The following DLG2 variants were observed in gnomAD, a reference collection of about 807,000 sequenced individuals.
The protein encoded by DLG2 is discs large MAGUK scaffold protein 2, also known as disks large homolog 2.
Under a neutral mutation model 132.5 loss-of-function variants are expected in DLG2, and 45 were observed. The ratio of observed to expected loss-of-function variants is 0.34; its 90% CI spans 0.27 to 0.44. The LOEUF is 0.44. DLG2 is among the 20% of genes least tolerant of loss of function. The pLI, the probability that DLG2 is intolerant of heterozygous loss-of-function variation, is 1.00. For missense variants in DLG2, 1,045 were observed against 1,196.9 expected (o/e 0.87, Z 1.87); for synonymous variants, 424 against 419.6 (o/e 1.01, Z -0.13).
intron 3 of DLG2, among the ~76,000 whole-genome samples, chr11:85,530,826 G>C (rs998647783): frequency 1.3e-5 from 2 of 152,112 alleles, no homozygotes; most frequent in Non-Finnish European, 2.9e-5. Flanking sequence ...AATGCCTTGT[G>C]GTTAGAAGTA....
intron 21 of DLG2, among the ~76,000 whole-genome samples, chr11:83,523,248 A>G (rs1309928824): frequency 6.6e-6 from 1 of 152,258 alleles, no homozygotes; most frequent in African/African-American, 2.4e-5. Context: ...AATTTTCTGA[A>G]TAATACTTAC....
chr11:85,465,002 A>G (rs1271695273), intron 3 of DLG2, among the ~76,000 whole-genome samples: 2 of 138,138 alleles, frequency 1.4e-5, no homozygotes, highest in East Asian at 4.9e-4. Flanking sequence ...TGAACCTAGG[A>G]GGTGGAGGTT....
intron 16 of DLG2, among the ~76,000 whole-genome samples, chr11:83,861,012 T>A (rs1026022061): frequency 5.3e-5 from 8 of 152,128 alleles, no homozygotes; most frequent in African/African-American, 1.9e-4. Context: ...CCGTTAAACC[T>A]CTTTTTCTGC....
intron 6 of DLG2, among the ~76,000 whole-genome samples, chr11:84,578,519 C>T (rs1194237491): frequency 1.3e-5 from 2 of 152,152 alleles, no homozygotes; most frequent in African/African-American, 4.8e-5. Context: ...AATTTGACTG[C>T]CCCACTGGAT....
At chr11:84,480,378 G>A (rs1361922306) in intron 7 of DLG2, among the ~76,000 whole-genome samples, 2 of 152,112 alleles carry the variant, frequency 1.3e-5, no homozygotes, top group African/African-American at 4.8e-5. Flanking sequence ...TAATCCTTGA[G>A]AGTTGCATCA....
At chr11:83,820,698 T>C (rs2050527099) in intron 17 of DLG2, among the ~76,000 whole-genome samples, 1 of 152,154 alleles carries the variant, frequency 6.6e-6, no homozygotes, top group South Asian at 2.1e-4. Context: ...AATATTTCCT[T>C]TTTTACTGAT....
chr11:84,895,843 C>T (rs1467736764), intron 6 of DLG2, among the ~76,000 whole-genome samples: 1 of 152,136 alleles, frequency 6.6e-6, no homozygotes, highest in Non-Finnish European at 1.5e-5. Flanking sequence ...GATTAAGTGA[C>T]ATCTTTGTAT....
chr11:85,542,111 A>G (rs1174882171), intron 3 of DLG2, among the ~76,000 whole-genome samples: 1 of 152,178 alleles, frequency 6.6e-6, no homozygotes, highest in African/African-American at 2.4e-5. Flanking sequence ...AGAAAGAGAA[A>G]TGAATTCTTT....
chr11:84,835,776 T>G (rs2079676674), intron 6 of DLG2, among the ~76,000 whole-genome samples: 1 of 151,810 alleles, frequency 6.6e-6, no homozygotes, highest in Admixed American at 6.6e-5. Flanking sequence ...ATATTAAATA[T>G]ATTTTAATGC....
intron 18 of DLG2, among the ~76,000 whole-genome samples, chr11:83,685,369 A>T (rs532888548): frequency 2.2e-4 from 34 of 152,172 alleles, no homozygotes; most frequent in Non-Finnish European, 1.8e-4. Context: ...TATCAAGGTA[A>T]ATGAAAACAT....
intron 3 of DLG2, among the ~76,000 whole-genome samples, chr11:85,426,118 G>A (rs984510225): frequency 2.0e-5 from 3 of 152,218 alleles, no homozygotes; most frequent in East Asian, 1.9e-4. Context: ...CGAGGCTTGA[G>A]TAGGTAAACA....
chr11:84,671,424 C>A (rs1435749008), intron 6 of DLG2, among the ~76,000 whole-genome samples: 1 of 152,040 alleles, frequency 6.6e-6, no homozygotes, highest in African/African-American at 2.4e-5. Context: ...CTCTTGACCC[C>A]AGAGCAGCAG....
In DLG2 at chr11:84,338,741, G is replaced by A. The variant is rs547853122; in HGVS notation, c.520-87450C>T. ...GAATCGCTTGAGTCCAGGAGGCAGA[G>A]GTTGCAGTGAGCCAAGATGGCGCCA... On this transcript the variant is annotated intron_variant, in intron 7 of 27. Coordinates refer to ENST00000376104, the MANE Select transcript of DLG2 (RefSeq NM_001142699.3). Among the ~76,000 whole-genome samples the A allele has an allele frequency of 2.7e-4, 41 of 152,230 alleles. 1 individual carries two copies. Among genetic ancestry groups the A allele is most frequent in the Non-Finnish European group, 5.7e-4 (39 of 68,016 alleles).
chr11:83,573,934 C>T (rs1033130952), intron 19 of DLG2, among the ~76,000 whole-genome samples: 3 of 152,104 alleles, frequency 2.0e-5, no homozygotes, highest in Non-Finnish European at 2.9e-5. Context: ...TAGCTTTCTT[C>T]TGTATTGAGT....
intron 3 of DLG2, among the ~76,000 whole-genome samples, chr11:85,318,763 G>C (rs946142709): frequency 5.9e-5 from 9 of 151,808 alleles, no homozygotes; most frequent in Admixed American, 5.3e-4. Flanking sequence ...CAATACTGTT[G>C]CAGCATCTTT....
intron 6 of DLG2, among the ~76,000 whole-genome samples, chr11:85,026,757 A>G (rs1372210114): frequency 6.6e-6 from 1 of 152,112 alleles, no homozygotes; most frequent in Non-Finnish European, 1.5e-5. Context: ...GAATGGCGTG[A>G]ACTGGGGAGG....
At chr11:85,084,672 T>C (rs1246812634) in intron 6 of DLG2, among the ~76,000 whole-genome samples, 1 of 152,112 alleles carries the variant, frequency 6.6e-6, no homozygotes, top group Non-Finnish European at 1.5e-5. Context: ...GGTTGCCATT[T>C]TTGTCATGGT....
At chr11:85,021,055 C>T (rs1443308145) in intron 6 of DLG2, 2 of 772,836 alleles carry the variant, frequency 2.6e-6, no homozygotes, top group Admixed American at 3.4e-5. Context: ...TCCAGGTTTC[C>T]CAGGAGAGAA....
intron 7 of DLG2, among the ~76,000 whole-genome samples, chr11:84,257,038 C>T (rs1042167699): frequency 6.6e-6 from 1 of 152,108 alleles, no homozygotes; most frequent in Non-Finnish European, 1.5e-5. Flanking sequence ...GCACATACCC[C>T]ATCAACTTTG....
Sources: gnomAD v4.1 joint callset for allele counts (sites outside exome capture counted in the v4.1 genomes callset) on GRCh38, gnomAD v4.1.1 for gene constraint, MANE v1.5 for transcripts, NCBI Gene and HGNC (gene_info 2026-07-23, HGNC 2026-07-21) for gene names.